The following GPC6 variants were observed in gnomAD, a reference collection of about 807,000 sequenced individuals.
GPC6 encodes the protein glypican 6.
A neutral mutation model predicts 55.2 loss-of-function variants in GPC6; 14 were observed. That is an observed-to-expected ratio of 0.25 (90% CI 0.17 to 0.40). GPC6 has a LOEUF of 0.40. GPC6 is among the 10% of genes least tolerant of loss of function. The probability of loss-of-function intolerance (pLI) is 1.00; values close to 1 mark genes in which losing one functional copy is unlikely to be tolerated. For synonymous variants in GPC6, 278 were observed against 259.6 expected, an observed-to-expected ratio of 1.07 and a Z score of -0.68; for missense variants, 641 against 708.5, an observed-to-expected ratio of 0.90 and a Z score of 1.08.
At chr13:93,888,261 C>T (rs960033979) in intron 3 of GPC6, among the ~76,000 whole-genome samples, 7 of 152,078 alleles carry the variant, frequency 4.6e-5, no homozygotes, top group Non-Finnish European at 7.4e-5. Flanking sequence ...ATCCAATTAG[C>T]GCAAATTTAT....
intron 6 of GPC6, among the ~76,000 whole-genome samples, chr13:94,342,660 C>T (rs1459065532): frequency 1.3e-5 from 2 of 152,188 alleles, no homozygotes; most frequent in Non-Finnish European, 2.9e-5. Context: ...ACTACACGTG[C>T]GCAAAGCTAA....
At chr13:93,547,321 G>A (rs1182440538) in intron 2 of GPC6, among the ~76,000 whole-genome samples, 2 of 152,156 alleles carry the variant, frequency 1.3e-5, no homozygotes, top group African/African-American at 4.8e-5. Flanking sequence ...ACTCCAGCCT[G>A]GGCAACAGAG....
intron 1 of GPC6, among the ~76,000 whole-genome samples, chr13:93,528,962 A>G (rs1881759160): frequency 6.6e-6 from 1 of 152,178 alleles, no homozygotes; most frequent in Admixed American, 6.5e-5. Context: ...ATAACTATGC[A>G]TTAGTATGTG....
chr13:93,425,543 C>T (rs562743514), intron 1 of GPC6, among the ~76,000 whole-genome samples: 104 of 152,236 alleles, frequency 6.8e-4, no homozygotes, highest in African/African-American at 2.3e-3. Flanking sequence ...ACACAGCCAG[C>T]GGTCAAATCC....
At chr13:94,306,701 G>T (rs1875965204) in intron 6 of GPC6, among the ~76,000 whole-genome samples, 1 of 152,076 alleles carries the variant, frequency 6.6e-6, no homozygotes, top group Non-Finnish European at 1.5e-5. Flanking sequence ...CATCAAAGCA[G>T]TTTATAATAC....
Position 94,403,573 on chromosome 13 carries a change from A to G in GPC6, c.*356A>G, listed in dbSNP as rs1881246140. The G allele has an allele frequency of 1.0e-5, 3 of 287,878 alleles. No individual in the cohort carries two copies. The highest frequency in any genetic ancestry group is 2.0e-5 in the Non-Finnish European group (3 of 148,878). 17.8% of individuals were successfully genotyped at this position (287,878 alleles called of 1,614,324 possible). The stretch of plus-strand genomic sequence containing the variant: ...TTTTCTCATTTAAAATAAAAAAGGA[A>G]GAAAGAAAATAATTTTCCTTGTAAA... On this transcript the variant is annotated 3_prime_UTR_variant, in exon 9 of 9. Coordinates refer to ENST00000377047, the MANE Select transcript of GPC6 (RefSeq NM_005708.5).
intron 1 of GPC6, among the ~76,000 whole-genome samples, chr13:93,529,550 C>T (rs905098283): frequency 1.6e-5 from 2 of 125,108 alleles, no homozygotes; most frequent in African/African-American, 6.3e-5. Flanking sequence ...GAGTCTCACT[C>T]TGTCACCCCG....
chr13:93,266,451 CAT>C (rs1170683204), intron 1 of GPC6, among the ~76,000 whole-genome samples: 1 of 152,008 alleles, frequency 6.6e-6, no homozygotes, highest in African/African-American at 2.4e-5. Flanking sequence ...AGTTAAGAAA[CAT>C]GTGCTTCAAA....
At position 94,049,983 on chromosome 13, in the gene GPC6, C is replaced by T. The variant is rs114460591; in HGVS notation, c.877+22089C>T. On this transcript the variant is annotated intron_variant, in intron 4 of 8. Coordinates refer to ENST00000377047, the MANE Select transcript of GPC6 (RefSeq NM_005708.5). ...GGAGTTTCCCTGTTCGATTGGTTCT[C>T]TCTCATTCTCTCTTGTCTGCTGCCA... Among the ~76,000 whole-genome samples, 612 of 152,224 alleles carry T rather than the reference C, an allele frequency of 4.0e-3. 6 individuals carry two copies. Among genetic ancestry groups the T allele is most frequent in the African/African-American group, 0.014 (591 of 41,548 alleles).
rs376850554 is a variant in GPC6, at chr13:94,123,196, G to A, written c.877+95302G>A. Among the ~76,000 whole-genome samples, 15 of 151,844 alleles carry A rather than the reference G, an allele frequency of 9.9e-5. No homozygotes were observed. The East Asian group carries it at 2.1e-3, about 22-fold the overall frequency. ...TATTTAAGTATCAATATTTGAAAACGTTACAGAAATATGCTTTAAAAATAT... is the reference window on the plus strand; with the variant it reads ...TATTTAAGTATCAATATTTGAAAACATTACAGAAATATGCTTTAAAAATAT... On this transcript the variant is annotated intron_variant, in intron 4 of 8. Coordinates refer to ENST00000377047, the MANE Select transcript of GPC6 (RefSeq NM_005708.5).
chr13:94,068,273 C>G (rs1884605742), intron 4 of GPC6, among the ~76,000 whole-genome samples: 1 of 151,686 alleles, frequency 6.6e-6, no homozygotes, highest in African/African-American at 2.4e-5. Context: ...TTAAAACCAT[C>G]AGATCTTGTG....
At chr13:93,648,840 A>G (rs952890132) in intron 2 of GPC6, among the ~76,000 whole-genome samples, 1 of 152,174 alleles carries the variant, frequency 6.6e-6, no homozygotes, top group East Asian at 1.9e-4. Context: ...TGTCACGCAA[A>G]ACTTATTTTT....
rs569220554 is a variant in GPC6, at chr13:93,475,524, C to G, written c.161-69739C>G. 1.1e-4 allele frequency among the ~76,000 whole-genome samples: 17 copies of G among 152,154 alleles called. No homozygotes were observed. The South Asian group carries it at 3.5e-3, about 32-fold the overall frequency. ...TCTGAAACTGTATACAGGTGATGAG[C>G]TTTGAGTTGGATGCACAGTAAGATG... is the stretch of plus-strand genomic sequence containing the variant. On this transcript the variant is annotated intron_variant, in intron 1 of 8. Transcript: ENST00000377047.
intron 1 of GPC6, among the ~76,000 whole-genome samples, chr13:93,483,087 G>A (rs916487173): frequency 6.6e-6 from 1 of 152,026 alleles, no homozygotes; most frequent in Non-Finnish European, 1.5e-5. Flanking sequence ...TGATCACTTC[G>A]TACATGCATG....
chr13:93,969,700 AT>A (rs569429401), intron 3 of GPC6, among the ~76,000 whole-genome samples: 5 of 150,126 alleles, frequency 3.3e-5, no homozygotes, highest in South Asian at 4.2e-4. Context: ...ATTTACATCC[AT>A]TTTTTTTTCC....
chr13:93,254,790 T>C (rs2139033014), intron 1 of GPC6, among the ~76,000 whole-genome samples: 1 of 152,222 alleles, frequency 6.6e-6, no homozygotes, highest in South Asian at 2.1e-4. Flanking sequence ...TCTATTCTCA[T>C]TTGGAAAGCA....
At chr13:94,195,642 A>T (rs1034697434) in intron 4 of GPC6, among the ~76,000 whole-genome samples, 5 of 152,238 alleles carry the variant, frequency 3.3e-5, no homozygotes, top group Admixed American at 2.6e-4. Context: ...ATTAAATGAG[A>T]TAATGCAAAT....
intron 1 of GPC6, among the ~76,000 whole-genome samples, chr13:93,527,406 G>A (rs1275478973): frequency 6.6e-6 from 1 of 152,024 alleles, no homozygotes; most frequent in African/African-American, 2.4e-5. Context: ...GAGATATGGG[G>A]TATGTGCTTT....
chr13:94,309,427 C>T (rs1000105481), intron 6 of GPC6, among the ~76,000 whole-genome samples: 3 of 152,078 alleles, frequency 2.0e-5, no homozygotes, highest in Non-Finnish European at 4.4e-5. Context: ...CAACCCCAAG[C>T]TGAGTAAACT....
Sources: gnomAD v4.1 joint callset for allele counts (sites outside exome capture counted in the v4.1 genomes callset) on GRCh38, gnomAD v4.1.1 for gene constraint, MANE v1.5 for transcripts, NCBI Gene and HGNC (gene_info 2026-07-23, HGNC 2026-07-21) for gene names.